The following ZNF732 variants were observed in gnomAD, a reference collection of about 807,000 sequenced individuals.
The protein encoded by ZNF732 is zinc finger protein 732, also known as zinc finger protein LOC654254.
ZNF732 carries 12 observed loss-of-function variants against 11.5 expected under a neutral mutation model. The ratio of observed to expected loss-of-function variants is 1.05; its 90% CI spans 0.67 to 1.70. ZNF732 has a LOEUF of 1.70. Ranked by LOEUF, ZNF732 falls within the 40% of genes most tolerant of loss-of-function variation. The pLI is 0.00. For missense variants in ZNF732, 702 were observed against 676.9 expected (o/e 1.04, Z -0.41); for synonymous variants, 231 against 236.5 (o/e 0.98, Z 0.21).
chr4:278,963 G>C (rs958178244), intron 3 of ZNF732, among the ~76,000 whole-genome samples: 3 of 152,108 alleles, frequency 2.0e-5, no homozygotes, highest in African/African-American at 4.8e-5. Flanking sequence ...ATTGCAATTT[G>C]CTTATTGTAT....
At chr4:287,512 G>A (rs1430672209) in intron 3 of ZNF732, among the ~76,000 whole-genome samples, 3 of 152,090 alleles carry the variant, frequency 2.0e-5, no homozygotes, top group Admixed American at 1.3e-4. Flanking sequence ...ATCGCACGTG[G>A]CCAACACACT....
chr4:301,453 G>C (rs1300012473), intron 1 of ZNF732, among the ~76,000 whole-genome samples: 4 of 152,114 alleles, frequency 2.6e-5, no homozygotes, highest in Non-Finnish European at 4.4e-5. Flanking sequence ...CAATAGCAAA[G>C]ACTTGGAACC....
chr4:286,288 T>C (rs540183818), intron 3 of ZNF732, among the ~76,000 whole-genome samples: 3 of 152,346 alleles, frequency 2.0e-5, no homozygotes, highest in Admixed American at 6.5e-5. Context: ...AGTTTATAAC[T>C]AGATTTTAAA....
At chr4:282,164 T>G (rs1342604831) in intron 3 of ZNF732, among the ~76,000 whole-genome samples, 1 of 152,048 alleles carries the variant, frequency 6.6e-6, no homozygotes, top group South Asian at 2.1e-4. Flanking sequence ...TTTAAAAAAG[T>G]GAATAAAGCA....
chr4:303,865 A>C (rs143083414), intron 1 of ZNF732, among the ~76,000 whole-genome samples: 1 of 152,280 alleles, frequency 6.6e-6, no homozygotes, highest in African/African-American at 2.4e-5. Flanking sequence ...AAAGCAGAAG[A>C]GAGAAAGGAG....
At chr4:296,270 C>T (rs1023994842) in intron 1 of ZNF732, 115 bp from the exon 2 acceptor site, 6 of 1,380,632 alleles carry the variant, frequency 4.3e-6, no homozygotes, top group Middle Eastern at 1.9e-4. Flanking sequence ...AAATAACTTT[C>T]AACACAGTAA....
intron 3 of ZNF732, among the ~76,000 whole-genome samples, chr4:279,309 G>A (rs1248926308): frequency 2.5e-4 from 38 of 151,970 alleles, no homozygotes; most frequent in African/African-American, 9.2e-4. Context: ...AGCTGGGCGT[G>A]GTGGTGGGCG....
chr4:303,185 T>TTATTTAAAG (rs1296048035), intron 1 of ZNF732, among the ~76,000 whole-genome samples: 6 of 152,222 alleles, frequency 3.9e-5, no homozygotes, highest in African/African-American at 1.4e-4. Context: ...ATTTATCCTT[T>TTATTTAAAG]TAACTTTTTG....
chr4:278,843 G>C (rs528103842), intron 3 of ZNF732, among the ~76,000 whole-genome samples: 7 of 152,284 alleles, frequency 4.6e-5, no homozygotes, highest in African/African-American at 1.4e-4. Context: ...AGGCTGGTGA[G>C]TGTAGTGTCT....
intron 1 of ZNF732, among the ~76,000 whole-genome samples, chr4:302,837 G>A (rs1198912868): frequency 6.6e-6 from 1 of 152,178 alleles, no homozygotes; most frequent in Non-Finnish European, 1.5e-5. Flanking sequence ...TGGACAAATT[G>A]TAACGCCCAA....
intron 1 of ZNF732, among the ~76,000 whole-genome samples, chr4:299,410 T>TATACAC (rs1720041087): frequency 9.7e-6 from 1 of 103,242 alleles, no homozygotes; most frequent in Admixed American, 1.1e-4. Flanking sequence ...TGTGTATATA[T>TATACAC]ATATACACAT....
At chr4:275,658 A>G (rs568672385) in intron 3 of ZNF732, among the ~76,000 whole-genome samples, 3 of 151,862 alleles carry the variant, frequency 2.0e-5, no homozygotes, top group Non-Finnish European at 4.4e-5. Context: ...CTGAAAGCAA[A>G]TAACAGCAAC....
At chr4:275,957 A>G (rs1719486423) in intron 3 of ZNF732, among the ~76,000 whole-genome samples, 1 of 151,726 alleles carries the variant, frequency 6.6e-6, no homozygotes, top group East Asian at 1.9e-4. Flanking sequence ...AACATATTCT[A>G]AAAATATAGT....
chr4:270,902 G>T lies in ZNF732; in HGVS notation c.*197C>A. The T allele has an allele frequency of 1.4e-6, 1 of 722,224 alleles. No homozygotes were observed. 44.7% of individuals were successfully genotyped at this position (722,224 alleles called of 1,614,324 possible). A position where few individuals can be genotyped will look rare whatever the true frequency, so the allele number is the denominator to read the frequency against. On this transcript the variant is annotated 3_prime_UTR_variant, in exon 4 of 4. Transcript: ENST00000419098. ...TTATGTTGATTCAGGTATGCGGACT[G>T]TTTGAAGGCTTTCCCACATTCTTTA...
chr4:282,589 T>C (rs543233548), intron 3 of ZNF732, among the ~76,000 whole-genome samples: 62 of 152,238 alleles, frequency 4.1e-4, no homozygotes, highest in African/African-American at 1.4e-3. Context: ...TAATCCCAGC[T>C]ACTTGGGAGG....
At position 271,470 on chromosome 4, in the gene ZNF732, T is replaced by C. The variant is rs782531289; in HGVS notation, c.1387A>G (p.Lys463Glu). 1 of 1,608,748 alleles carries C rather than the reference T, an allele frequency of 6.2e-7. No individual in the cohort carries two copies. Among genetic ancestry groups the C allele is most frequent in the Non-Finnish European group, 8.5e-7 (1 of 1,177,680 alleles). ...KAFGWSAYLS[K>E]HKKIHTGEKP... is the part of the protein sequence containing the mutation. ...TCTCCAGTATGAATTTTCTTATGTTTACTCAGGTATGCAGACCATCCAAAG... is the reference window on the plus strand; with the variant it reads ...TCTCCAGTATGAATTTTCTTATGTTCACTCAGGTATGCAGACCATCCAAAG... Residue 463 changes from lysine to glutamate, a missense_variant, in exon 4 of 4, where the codon AAA (lysine) becomes GAA (glutamate). By Grantham distance (56) the Lys-to-Glu change is moderately conservative. Transcript: ENST00000419098.
At chr4:305,241 C>A in intron 1 of ZNF732, 67 bp downstream of exon 1, 1 of 1,576,150 alleles carries the variant, frequency 6.3e-7, no homozygotes, top group Non-Finnish European at 8.6e-7. Context: ...TCCGTCCCGC[C>A]GCCGCCATTT....
chr4:299,694 CTTTT>C (rs1268663238), intron 1 of ZNF732, among the ~76,000 whole-genome samples: 2 of 117,724 alleles, frequency 1.7e-5, no homozygotes, highest in African/African-American at 6.3e-5. Flanking sequence ...AATATATATA[CTTTT>C]TTTTTTTTTT....
At chr4:283,028 AT>A (rs1719648675) in intron 3 of ZNF732, among the ~76,000 whole-genome samples, 1 of 152,192 alleles carries the variant, frequency 6.6e-6, no homozygotes, top group Non-Finnish European at 1.5e-5. Context: ...CCCCTCCAAA[AT>A]TCATGTTAAA....
Sources: allele counts gnomAD v4.1 joint callset (sites outside exome capture counted in the v4.1 genomes callset), GRCh38; gene constraint gnomAD v4.1.1; transcripts MANE v1.5; gene names NCBI Gene and HGNC (gene_info 2026-07-23, HGNC 2026-07-21).